TASP1: variants seen among roughly 807,000 people sequenced by gnomAD.
The protein encoded by TASP1 is taspase 1, also known as threonine aspartase 1.
A neutral mutation model predicts 56.6 loss-of-function variants in TASP1; 16 were observed. That is an observed-to-expected ratio of 0.28 (90% CI 0.19 to 0.43). The LOEUF is 0.43. Ranked by LOEUF, TASP1 falls within the 20% of genes least tolerant of loss-of-function variation. TASP1 has a pLI of 1.00. For missense variants in TASP1, 393 were observed against 511.6 expected (o/e 0.77, Z 2.24); for synonymous variants, 179 against 184.2 (o/e 0.97, Z 0.23).
At chr20:13,593,494 G>C (rs1295956180) in intron 4 of TASP1, among the ~76,000 whole-genome samples, 2 of 152,204 alleles carry the variant, frequency 1.3e-5, no homozygotes, top group African/African-American at 4.8e-5. Context: ...GGACACTCCT[G>C]ACCAAATACT....
At chr20:13,534,215 T>C (rs2045330909) in intron 8 of TASP1, 74 bp from the exon 9 acceptor site, 10 of 1,537,656 alleles carry the variant, frequency 6.5e-6, no homozygotes, top group Non-Finnish European at 8.8e-6. Flanking sequence ...ATAGCACTTT[T>C]CCATACAATC....
the TASP1 span, among the ~76,000 whole-genome samples, chr20:13,105,133 T>C: frequency 2.8e-3 from 422 of 152,262 alleles, no homozygotes; most frequent in African/African-American, 9.6e-3. Context: ...TGTAGCCTTG[T>C]AGAACGACAG....
At chr20:13,191,646 T>C in the TASP1 span, among the ~76,000 whole-genome samples, 18 of 152,190 alleles carry the variant, frequency 1.2e-4, no homozygotes, top group Non-Finnish European at 2.4e-4. Flanking sequence ...TACAGTTAGA[T>C]GAGAGGAATA....
intron 11 of TASP1, among the ~76,000 whole-genome samples, chr20:13,450,914 A>T (rs1248881392): frequency 1.3e-5 from 2 of 152,136 alleles, no homozygotes; most frequent in African/African-American, 4.8e-5. Flanking sequence ...TCCCCGGTTC[A>T]TCAGAAGAAT....
chr20:13,210,813 A>C, the TASP1 span, among the ~76,000 whole-genome samples: 2 of 152,134 alleles, frequency 1.3e-5, no homozygotes, highest in African/African-American at 4.8e-5. Flanking sequence ...GAAATCTTCT[A>C]TTCATCAGTA....
chr20:13,296,494 G>A, the TASP1 span, among the ~76,000 whole-genome samples: 4 of 152,204 alleles, frequency 2.6e-5, no homozygotes, highest in Non-Finnish European at 5.9e-5. Context: ...CATAAGATCT[G>A]CAAGCATCTC....
In TASP1 at chr20:13,530,103, G is replaced by A. The variant is rs140892169; in HGVS notation, c.796-1592C>T. On this transcript the variant is annotated intron_variant, in intron 9 of 13. Transcript: ENST00000337743. ...CTAACCCAAAGAAACCCAAATTTGT[G>A]AGCTGTTCCCCAAGACTCTGCGATG... Among the ~76,000 whole-genome samples, 709 of 152,154 alleles carry A rather than the reference G, an allele frequency of 4.7e-3. 4 individuals are homozygous for A. The highest frequency in any genetic ancestry group is 0.015 in the African/African-American group (635 of 41,530).
intron 6 of TASP1, among the ~76,000 whole-genome samples, chr20:13,578,362 T>C (rs1390840080): frequency 6.6e-6 from 1 of 152,152 alleles, no homozygotes; most frequent in Non-Finnish European, 1.5e-5. Context: ...TATTTTATAG[T>C]TCATAAATAC....
At chr20:13,484,911 A>G (rs1381924731) in intron 10 of TASP1, among the ~76,000 whole-genome samples, 2 of 152,096 alleles carry the variant, frequency 1.3e-5, no homozygotes, top group Admixed American at 1.3e-4. Context: ...GTTCTCACTC[A>G]TAAGTGGGAG....
At chr20:13,199,328 A>G in the TASP1 span, among the ~76,000 whole-genome samples, 1 of 151,826 alleles carries the variant, frequency 6.6e-6, no homozygotes, top group Non-Finnish European at 1.5e-5. Flanking sequence ...AATAACATGC[A>G]TCATTTATTT....
the TASP1 span, among the ~76,000 whole-genome samples, chr20:13,242,760 T>C: frequency 6.6e-6 from 1 of 152,156 alleles, no homozygotes; most frequent in Non-Finnish European, 1.5e-5. Flanking sequence ...ACTTGAGCCT[T>C]GATAGGTGAG....
chr20:13,434,576 T>C (rs1173028623), intron 12 of TASP1, among the ~76,000 whole-genome samples: 1 of 152,140 alleles, frequency 6.6e-6, no homozygotes, highest in Non-Finnish European at 1.5e-5. Flanking sequence ...GGAAGTAGCA[T>C]GGAACAGCAA....
At chr20:13,384,656 G>A (rs904376103), downstream of TASP1, among the ~76,000 whole-genome samples, 3 of 152,146 alleles carry the variant, frequency 2.0e-5, no homozygotes, top group African/African-American at 7.2e-5. Flanking sequence ...AAATATTAAT[G>A]TGATATTATT....
Position 13,456,858 on chromosome 20 carries a change from A to C in TASP1, c.986-21704T>G, listed in dbSNP as rs533042131. Among the ~76,000 whole-genome samples the C allele has an allele frequency of 3.3e-5, 5 of 152,278 alleles. No individual in the cohort carries two copies. The East Asian group carries it at 9.7e-4, about 29-fold the overall frequency. On this transcript the variant is annotated intron_variant, in intron 11 of 13. Transcript: ENST00000337743. ...GAACTAAATACAAAAGCAAGTACCT[A>C]CTAGGAAAAAAATGGTCAGAATAAC...
intron 10 of TASP1, among the ~76,000 whole-genome samples, chr20:13,525,831 T>G (rs986236213): frequency 2.0e-5 from 3 of 152,196 alleles, no homozygotes; most frequent in African/African-American, 7.2e-5. Context: ...GGAGATTTAC[T>G]CTATCATCCC....
At position 13,483,330 on chromosome 20, in the gene TASP1, TC is replaced by T; in HGVS notation, c.881del (p.Gly294GlufsTer50). The T allele has an allele frequency of 6.4e-7, 1 of 1,561,268 alleles. No homozygotes were observed. The highest frequency in any genetic ancestry group is 8.7e-7 in the Non-Finnish European group (1 of 1,152,288). On this transcript the variant is annotated frameshift_variant, in exon 11 of 14. Transcript: ENST00000337743. LOFTEE classifies it high-confidence loss of function. Reference sequence around the variant, plus strand: ...CCAGTATGGTGCGCACAAGATGCTCTCCACATCCTAGAAATCCAAAGAAACC... The same window carrying T: ...CCAGTATGGTGCGCACAAGATGCTCTCACATCCTAGAAATCCAAAGAAACC... ...YSTAVSTSGC[G>X]EHLVRTILAR...
At chr20:13,290,613 G>A in the TASP1 span, among the ~76,000 whole-genome samples, 6 of 152,050 alleles carry the variant, frequency 3.9e-5, no homozygotes, top group Non-Finnish European at 7.4e-5. Flanking sequence ...AGCCGAGATC[G>A]GGCCACTGCA....
the TASP1 span, chr20:13,166,622 C>A: frequency 6.6e-6 from 1 of 152,286 alleles, no homozygotes; most frequent in African/African-American, 2.4e-5. Context: ...CTGTTCTTAT[C>A]TTGAATATGT....
intron 10 of TASP1, among the ~76,000 whole-genome samples, chr20:13,494,277 A>G (rs2043643256): frequency 6.6e-6 from 1 of 152,164 alleles, no homozygotes; most frequent in Admixed American, 6.5e-5. Flanking sequence ...GAAAAACTAA[A>G]TGGCTTAGCT....
Sources: allele counts gnomAD v4.1 joint callset (sites outside exome capture counted in the v4.1 genomes callset), GRCh38; gene constraint gnomAD v4.1.1; transcripts MANE v1.5; gene names NCBI Gene and HGNC (gene_info 2026-07-23, HGNC 2026-07-21).